CSNK1G3: variants seen among roughly 807,000 people sequenced by gnomAD.
CSNK1G3 encodes casein kinase I isoform gamma-3.
A neutral mutation model predicts 64.3 loss-of-function variants in CSNK1G3; 23 were observed. That is an observed-to-expected ratio of 0.36 (90% CI 0.26 to 0.51). The LOEUF is 0.51. Ranked by LOEUF, CSNK1G3 falls within the 20% of genes least tolerant of loss-of-function variation. The pLI is 0.96. For synonymous variants in CSNK1G3, 158 were observed against 162.2 expected (o/e 0.97, Z 0.20); for missense variants, 357 against 510.5 (o/e 0.70, Z 2.90).
At chr5:123,565,820 C>T (rs1402840340) in intron 4 of CSNK1G3, among the ~76,000 whole-genome samples, 2 of 152,080 alleles carry the variant, frequency 1.3e-5, no homozygotes, top group Non-Finnish European at 2.9e-5. Flanking sequence ...AGGTGCAACA[C>T]ACTTTTAAAC....
chr5:123,610,540 G>C (rs1796142968), intron 12 of CSNK1G3, among the ~76,000 whole-genome samples: 1 of 152,152 alleles, frequency 6.6e-6, no homozygotes, highest in East Asian at 1.9e-4. Context: ...AAAAGGCAAT[G>C]AACAAAGGAG....
At chr5:123,553,504 T>C (rs1317778246) in intron 3 of CSNK1G3, among the ~76,000 whole-genome samples, 1 of 152,232 alleles carries the variant, frequency 6.6e-6, no homozygotes, top group African/African-American at 2.4e-5. Flanking sequence ...AAAAGTGTTC[T>C]TAGTATTCAG....
intron 6 of CSNK1G3, among the ~76,000 whole-genome samples, chr5:123,579,151 C>CTA (rs1408172192): frequency 1.3e-5 from 2 of 151,880 alleles, no homozygotes; most frequent in African/African-American, 2.4e-5. Flanking sequence ...TTTAGCTACT[C>CTA]TATAGAGCAT....
chr5:123,614,573 T>TC, exon 13 of CSNK1G3: 1 of 511,778 alleles, frequency 2.0e-6, no homozygotes, highest in South Asian at 3.6e-5. Context: ...TTTTTTTTTT[T>TC]CTCTAATTTA....
At chr5:123,587,667 G>C (rs1791580576) in intron 6 of CSNK1G3, among the ~76,000 whole-genome samples, 1 of 152,098 alleles carries the variant, frequency 6.6e-6, no homozygotes, top group Non-Finnish European at 1.5e-5. Flanking sequence ...AGGAAATGCA[G>C]GGTTGAAAAA....
At chr5:123,591,235 C>A in intron 9 of CSNK1G3, 84 bp from the exon 10 acceptor site, 2 of 735,470 alleles carry the variant, frequency 2.7e-6, no homozygotes, top group Non-Finnish European at 2.1e-6. Context: ...TTGTTTTTTT[C>A]CTTAATTCTT....
intron 1 of CSNK1G3, among the ~76,000 whole-genome samples, chr5:123,516,911 C>G (rs1460564238): frequency 6.6e-6 from 1 of 152,056 alleles, no homozygotes; most frequent in Non-Finnish European, 1.5e-5. Context: ...CCTGGAAGTA[C>G]TTTCTTCAGT....
At chr5:123,592,696 C>T (rs1365839698) in intron 10 of CSNK1G3, among the ~76,000 whole-genome samples, 2 of 151,106 alleles carry the variant, frequency 1.3e-5, no homozygotes, top group Non-Finnish European at 3.0e-5. Context: ...AAAATCATAG[C>T]AAAATAAAAT....
chr5:123,549,259 A>G (rs1221960738), intron 2 of CSNK1G3, among the ~76,000 whole-genome samples: 1 of 152,226 alleles, frequency 6.6e-6, no homozygotes, highest in East Asian at 1.9e-4. Context: ...AAGACCAAAC[A>G]TAGCTAGCTA....
intron 5 of CSNK1G3, among the ~76,000 whole-genome samples, chr5:123,575,176 GATCT>G (rs1264404855): frequency 1.4e-4 from 22 of 152,050 alleles, no homozygotes; most frequent in Admixed American, 6.5e-5. Context: ...CTAGCTTTAT[GATCT>G]TTCTAGCTTC....
intron 4 of CSNK1G3, among the ~76,000 whole-genome samples, chr5:123,568,320 G>C (rs974227299): frequency 2.0e-5 from 3 of 152,104 alleles, no homozygotes; most frequent in Non-Finnish European, 4.4e-5. Context: ...TGCAAGTTTG[G>C]CTCTGGGAAG....
intron 1 of CSNK1G3, among the ~76,000 whole-genome samples, chr5:123,536,673 T>A (rs1263419192): frequency 6.6e-6 from 1 of 152,036 alleles, no homozygotes; most frequent in Non-Finnish European, 1.5e-5. Flanking sequence ...CCCATAAATA[T>A]GTACAATTAT....
chr5:123,612,748 T>A (rs530272132), intron 12 of CSNK1G3, among the ~76,000 whole-genome samples: 1 of 152,270 alleles, frequency 6.6e-6, no homozygotes, highest in East Asian at 1.9e-4. Context: ...AGTGCTGGGA[T>A]TACACGCATG....
chr5:123,534,160 A>C (rs1014648549), intron 1 of CSNK1G3, among the ~76,000 whole-genome samples: 1 of 152,066 alleles, frequency 6.6e-6, no homozygotes, highest in African/African-American at 2.4e-5. Flanking sequence ...CTTGTCATCA[A>C]ATACGACAGG....
chr5:123,588,004 C>A, intron 6 of CSNK1G3, 64 bp from the exon 7 acceptor site: 3 of 1,015,162 alleles, frequency 3.0e-6, no homozygotes, highest in East Asian at 2.6e-5. Context: ...AAAGAACAAA[C>A]TCTCCATTCT....
chr5:123,566,913 T>C (rs1275364727), intron 4 of CSNK1G3, among the ~76,000 whole-genome samples: 1 of 152,210 alleles, frequency 6.6e-6, no homozygotes, highest in Non-Finnish European at 1.5e-5. Context: ...TTTCTTATGT[T>C]ATCTTTTCTA....
At chr5:123,558,960 G>C (rs1785147245) in intron 4 of CSNK1G3, among the ~76,000 whole-genome samples, 2 of 152,144 alleles carry the variant, frequency 1.3e-5, no homozygotes, top group Admixed American at 1.3e-4. Context: ...TGCCTTATGA[G>C]TATGTGTAAG....
chr5:123,566,981 C>T (rs1787023567), intron 4 of CSNK1G3, among the ~76,000 whole-genome samples: 1 of 152,108 alleles, frequency 6.6e-6, no homozygotes, highest in African/African-American at 2.4e-5. Flanking sequence ...ATAAATTGCC[C>T]TGAGGCGGGG....
chr5:123,552,637 T>C (rs1208432009), intron 2 of CSNK1G3, among the ~76,000 whole-genome samples: 1 of 151,692 alleles, frequency 6.6e-6, no homozygotes, highest in African/African-American at 2.4e-5. Flanking sequence ...TTATTTCAGA[T>C]ATTTTATGTT....
Sources: gnomAD v4.1 joint callset for allele counts (sites outside exome capture counted in the v4.1 genomes callset) on GRCh38, gnomAD v4.1.1 for gene constraint, MANE v1.5 for transcripts, NCBI Gene and HGNC (gene_info 2026-07-23, HGNC 2026-07-21) for gene names.